The following RNF168 variants were observed in gnomAD, a reference collection of about 807,000 sequenced individuals.
The protein encoded by RNF168 is ring finger protein 168, also known as E3 ubiquitin-protein ligase RNF168.
RNF168 carries 34 observed loss-of-function variants against 34.9 expected under a neutral mutation model. That is an observed-to-expected ratio of 0.97 (90% confidence interval 0.74 to 1.30). The LOEUF (loss-of-function observed/expected upper bound fraction) is 1.30, where lower values mean the gene tolerates loss of function less well. RNF168 is among the 50% of genes most tolerant of loss of function. RNF168 has a pLI of 0.00. For missense variants in RNF168, 725 were observed against 682.5 expected (o/e 1.06, Z -0.69); for synonymous variants, 264 against 254.7 (o/e 1.04, Z -0.35).
In RNF168 at chr3:196,491,274, C is replaced by A. The variant is rs540579613; in HGVS notation, c.302-2591G>T. Among the ~76,000 whole-genome samples the A allele has an allele frequency of 1.4e-4, 22 of 152,082 alleles. No homozygotes were observed. In the East Asian group the frequency reaches 4.2e-3, roughly 29 times the overall value. ...GCTGCAGTGAGCCGACATTGCACCA[C>A]TACACTCCAGCCTGGACGACAGAGG... On this transcript the variant is annotated intron_variant, in intron 1 of 5. Coordinates refer to ENST00000318037, the MANE Select transcript of RNF168 (RefSeq NM_152617.4).
chr3:196,488,346 G>A (rs1293348186), intron 2 of RNF168, among the ~76,000 whole-genome samples: 1 of 151,758 alleles, frequency 6.6e-6, no homozygotes, highest in African/African-American at 2.4e-5. Flanking sequence ...GCCAGGCGTA[G>A]TGGCGGGCGC....
At position 196,487,574 on chromosome 3, in the gene RNF168, G is replaced by A. The variant is rs143373143; in HGVS notation, c.383C>T (p.Ala128Val). ...REYEEEISKV[A>V]AERRASEEEE... ...TTCCTCGCTGGCCCGTCGCTCTGCC[G>A]CCACCTTAAAAGTGATTAATAAAGA... The change falls in exon 3 of 6, where the codon GCG becomes GTG. Residue 128 changes from alanine to valine, a missense_variant. Coordinates refer to ENST00000318037, the MANE Select transcript of RNF168 (RefSeq NM_152617.4). 3.3e-4 allele frequency: 540 copies of A among 1,613,758 alleles called. 1 individual carries two copies. In the African/African-American group the frequency reaches 5.9e-3, roughly 18 times the overall value.
intron 3 of RNF168, among the ~76,000 whole-genome samples, chr3:196,487,172 T>C (rs1438508642): frequency 1.3e-5 from 2 of 152,252 alleles, no homozygotes; most frequent in South Asian, 2.1e-4. Context: ...CAACGCCATC[T>C]CTTCTGTTCT....
At position 196,483,900 on chromosome 3, in the gene RNF168, A is replaced by C. The variant is rs756974176; in HGVS notation, c.559-9T>G. On this transcript the variant is annotated splice_polypyrimidine_tract_variant and intron_variant, in intron 3 of 5. Transcript: ENST00000318037. ...CCCTCACAGAAATTGTTCTTCAACAATAGAAAAAGCATAACAGACATTATG... is the reference window on the plus strand; with the variant it reads ...CCCTCACAGAAATTGTTCTTCAACACTAGAAAAAGCATAACAGACATTATG... 1.2e-6 allele frequency: 2 copies of C among 1,600,808 alleles called. No individual in the cohort carries two copies. Among genetic ancestry groups the C allele is most frequent in the Non-Finnish European group, 1.7e-6 (2 of 1,168,100 alleles).
At chr3:196,476,897 G>T (rs140677558) in intron 4 of RNF168, among the ~76,000 whole-genome samples, 1 of 151,756 alleles carries the variant, frequency 6.6e-6, no homozygotes, top group African/African-American at 2.4e-5. Context: ...ACAGGCACAC[G>T]CCACCATGCC....
At chr3:196,495,277 T>G (rs1732712965) in intron 1 of RNF168, among the ~76,000 whole-genome samples, 1 of 152,174 alleles carries the variant, frequency 6.6e-6, no homozygotes, top group Non-Finnish European at 1.5e-5. Context: ...GCTGTCCTTA[T>G]CTCTTGATTT....
In RNF168 at chr3:196,471,145, G is replaced by T. The variant is rs1406487334; in HGVS notation, c.*674C>A. 1 of 132,324 alleles carries T rather than the reference G, an allele frequency of 7.6e-6. No homozygotes were observed. Among genetic ancestry groups the T allele is most frequent in the South Asian group, 2.5e-4 (1 of 4,076 alleles). 8.2% of individuals were successfully genotyped at this position (132,324 alleles called of 1,614,324 possible). On this transcript the variant is annotated 3_prime_UTR_variant, in exon 6 of 6. Coordinates refer to ENST00000318037, the MANE Select transcript of RNF168 (RefSeq NM_152617.4). Reference sequence around the variant, plus strand: ...CGGGAGGCGGAGGTTGCAGTGAGCTGAGATCGCGCCATTGCACACCAGCCT... The same window carrying T: ...CGGGAGGCGGAGGTTGCAGTGAGCTTAGATCGCGCCATTGCACACCAGCCT...
intron 1 of RNF168, among the ~76,000 whole-genome samples, chr3:196,492,207 G>C (rs1206760173): frequency 2.6e-5 from 4 of 152,070 alleles, no homozygotes; most frequent in African/African-American, 9.7e-5. Flanking sequence ...CAATAAAATA[G>C]TAGCTAAGAG....
In RNF168 at chr3:196,503,204, C is replaced by A; in HGVS notation, c.-31G>T. 1 of 1,594,708 alleles carries A rather than the reference C, an allele frequency of 6.3e-7. No individual in the cohort carries two copies. ...TATGTTAGTAAAGCCGACTAAACAA[C>A]GACACCTGCACGAAAAAGAATCCTA... On this transcript the variant is annotated 5_prime_UTR_variant, in exon 1 of 6. Transcript: ENST00000318037.
intron 4 of RNF168, among the ~76,000 whole-genome samples, chr3:196,481,205 G>T (rs1225707222): frequency 1.3e-5 from 2 of 152,036 alleles, no homozygotes; most frequent in East Asian, 3.9e-4. Flanking sequence ...GTGTTACTGT[G>T]CAGACTAAAC....
chr3:196,491,455 C>T (rs1277425254), intron 1 of RNF168, among the ~76,000 whole-genome samples: 4 of 152,108 alleles, frequency 2.6e-5, no homozygotes, highest in Non-Finnish European at 5.9e-5. Context: ...TTGAGACCAG[C>T]CTGACCAACA....
At chr3:196,495,808 C>T (rs1732728318) in intron 1 of RNF168, among the ~76,000 whole-genome samples, 1 of 152,180 alleles carries the variant, frequency 6.6e-6, no homozygotes, top group Non-Finnish European at 1.5e-5. Context: ...TTGCCTGCAT[C>T]AATTTTTACA....
chr3:196,470,335 G>A lies in RNF168; in HGVS notation c.*1484C>T, dbSNP rs978014712. 7.8e-5 allele frequency: 11 copies of A among 141,384 alleles called. No individual in the cohort carries two copies. The highest frequency in any genetic ancestry group is 3.0e-4 in the African/African-American group (11 of 37,064). 8.8% of individuals were successfully genotyped at this position (141,384 alleles called of 1,614,324 possible). A position where few individuals can be genotyped will look rare whatever the true frequency, so the allele number is the denominator to read the frequency against. On this transcript the variant is annotated 3_prime_UTR_variant, in exon 6 of 6. Coordinates refer to ENST00000318037, the MANE Select transcript of RNF168 (RefSeq NM_152617.4). ...CACATCCTCATCTGGACCAGTTTCTGACCACCCAATCAGTTTCAATGATCC... is the reference window on the plus strand; with the variant it reads ...CACATCCTCATCTGGACCAGTTTCTAACCACCCAATCAGTTTCAATGATCC...
chr3:196,475,283 G>C lies in RNF168; in HGVS notation c.710C>G (p.Ser237Ter). The C allele has an allele frequency of 6.2e-7, 1 of 1,611,056 alleles. No homozygotes were observed. The highest frequency in any genetic ancestry group is 8.5e-7 in the Non-Finnish European group (1 of 1,177,256). ...KYLTPKSQFGSASHSEAVQEV... is the reference protein window; with the variant it reads ...KYLTPKSQFG ...TTGTACAGCTTCAGAGTGTGAGGCT[G>C]ACCCAAACTGAGATTTCGGTGTCAA... is the stretch of plus-strand genomic sequence containing the variant. The change falls in exon 5 of 6, where the codon TCA (serine) becomes TGA (stop). Residue 237 changes from serine (S) to a stop codon, truncating the protein, a stop_gained. Transcript: ENST00000318037. LOFTEE classifies it high-confidence loss of function.
In RNF168 at chr3:196,476,502, G is replaced by A. The variant is rs867175177; in HGVS notation, c.681-1190C>T. On this transcript the variant is annotated intron_variant, in intron 4 of 5. Coordinates refer to ENST00000318037, the MANE Select transcript of RNF168 (RefSeq NM_152617.4). ...TGCAATCTCGGCTCACTGCAACCCC[G>A]CCTCCCAGGTTCAAGTGATTCTCCT... 1.5e-3 allele frequency among the ~76,000 whole-genome samples: 219 copies of A among 146,638 alleles called. 3 individuals carry two copies. Among genetic ancestry groups the A allele is most frequent in the Non-Finnish European group, 1.9e-4 (13 of 67,054 alleles).
At chr3:196,500,654 CTTCT>C (rs1732857192) in intron 1 of RNF168, among the ~76,000 whole-genome samples, 1 of 152,116 alleles carries the variant, frequency 6.6e-6, no homozygotes, top group African/African-American at 2.4e-5. Flanking sequence ...ATTTTCCTCC[CTTCT>C]TTCTAGTCAA....
Position 196,491,656 on chromosome 3 carries a change from A to C in RNF168, c.302-2973T>G, listed in dbSNP as rs116346659. Among the ~76,000 whole-genome samples, 1,020 of 152,330 alleles carry C rather than the reference A, an allele frequency of 6.7e-3. 15 individuals carry two copies. Among genetic ancestry groups the C allele is most frequent in the Middle Eastern group, 0.024 (7 of 294 alleles). The stretch of plus-strand genomic sequence containing the variant: ...GGGAGGCTCCGTCTCACAAACAAAC[A>C]AAAACACATGTTCAACATTACTAGT... On this transcript the variant is annotated intron_variant, in intron 1 of 5. Transcript: ENST00000318037.
chr3:196,474,621 A>G (rs1242225477), intron 5 of RNF168, among the ~76,000 whole-genome samples: 3 of 150,526 alleles, frequency 2.0e-5, no homozygotes, highest in Non-Finnish European at 4.4e-5. Flanking sequence ...CTAATTTTGT[A>G]TTTTTTTGTA....
intron 4 of RNF168, among the ~76,000 whole-genome samples, chr3:196,483,111 T>A (rs75262485): frequency 6.6e-6 from 1 of 151,966 alleles, no homozygotes; most frequent in African/African-American, 2.4e-5. Flanking sequence ...TTTTTTTTTT[T>A]AATAGTACCT....
Sources: gnomAD v4.1 joint callset for allele counts (sites outside exome capture counted in the v4.1 genomes callset) on GRCh38, gnomAD v4.1.1 for gene constraint, MANE v1.5 for transcripts, NCBI Gene and HGNC (gene_info 2026-07-23, HGNC 2026-07-21) for gene names.